Variants in HS6ST2 observed in about 807,000 individuals in gnomAD.
HS6ST2 encodes the protein heparan sulfate 6-O-sulfotransferase 2.
HS6ST2 carries 17 observed loss-of-function variants against 33.0 expected under a neutral mutation model. The observed-to-expected ratio is 0.52, with a 90% CI of 0.35 to 0.77. The LOEUF is 0.77. Ranked by LOEUF, HS6ST2 falls within the 30% of genes least tolerant of loss-of-function variation. HS6ST2 has a pLI of 0.01. For synonymous variants in HS6ST2, 248 were observed against 237.1 expected, an observed-to-expected ratio of 1.05 and a Z score of -0.42; for missense variants, 519 against 551.7, an observed-to-expected ratio of 0.94 and a Z score of 0.59.
chrX:132,719,208 C>T (rs2064306050), intron 2 of HS6ST2, among the ~76,000 whole-genome samples: 1 of 111,416 alleles, frequency 9.0e-6, no homozygotes, highest in African/African-American at 3.3e-5. Context: ...TGGAAGGTAC[C>T]CTTAAAGACC....
At chrX:132,675,718 T>C (rs2063919262) in intron 3 of HS6ST2, among the ~76,000 whole-genome samples, 1 of 112,082 alleles carries the variant, frequency 8.9e-6, no homozygotes. Context: ...ATGAGCAAAA[T>C]TGAGCTTTCT....
chrX:132,806,552 T>G (rs185112454), intron 2 of HS6ST2, among the ~76,000 whole-genome samples: 1 of 110,032 alleles, frequency 9.1e-6, no homozygotes, highest in Non-Finnish European at 1.9e-5. Flanking sequence ...ATATTTAGGC[T>G]TTCTAGGCCA....
chrX:132,876,150 C>A (rs2148435601), intron 2 of HS6ST2, among the ~76,000 whole-genome samples: 1 of 111,757 alleles, frequency 8.9e-6, no homozygotes, highest in Non-Finnish European at 1.9e-5. Context: ...ATCCTCTGAG[C>A]ACCCCAACCC....
chrX:132,817,676 C>T (rs1176024219), intron 2 of HS6ST2, among the ~76,000 whole-genome samples: 6 of 111,512 alleles, frequency 5.4e-5, no homozygotes, highest in African/African-American at 2.0e-4. Flanking sequence ...CATTATGTGT[C>T]GGGCACTGTG....
chrX:132,671,568 G>A (rs1400314925), intron 3 of HS6ST2, among the ~76,000 whole-genome samples: 2 of 108,600 alleles, frequency 1.8e-5, no homozygotes, highest in African/African-American at 6.7e-5. Flanking sequence ...GCTCAATGCA[G>A]GACACAGTAG....
rs1381695019 is a variant in HS6ST2 at position 132,865,243 on chromosome X, T to C, written c.947+91565A>G. 2.8e-5 allele frequency among the ~76,000 whole-genome samples: 3 copies of C among 108,344 alleles called. No individual in the cohort carries two copies. In the Admixed American group the frequency reaches 3.0e-4, roughly 11 times the overall value. 94.1% of individuals were successfully genotyped at this position (108,344 alleles called of 115,157 possible). On this transcript the variant is annotated intron_variant, in intron 2 of 4. Transcript: ENST00000370833. ...ATATGCGGTGTTTGGTTTTCTGTTT[T>C]TGCGGTAGTTTACTGAGAATGATGA... is the stretch of plus-strand genomic sequence containing the variant.
At chrX:132,841,900 GC>G (rs2065709895) in intron 2 of HS6ST2, among the ~76,000 whole-genome samples, 1 of 111,791 alleles carries the variant, frequency 8.9e-6, no homozygotes, top group South Asian at 3.8e-4. Context: ...CAGCTAACAT[GC>G]CCATCAGGTG....
intron 2 of HS6ST2, among the ~76,000 whole-genome samples, chrX:132,785,904 G>A (rs1421849342): frequency 9.0e-6 from 1 of 111,629 alleles, no homozygotes; most frequent in Non-Finnish European, 1.9e-5. Flanking sequence ...GGAGACAGCC[G>A]AGTCCATTCT....
Position 132,956,960 on chromosome X carries a change from G to A in HS6ST2, c.795C>T (p.Cys265=), listed in dbSNP as rs1158394838. 1 of 1,208,696 alleles carries A rather than the reference G, an allele frequency of 8.3e-7. No homozygotes were observed. Among genetic ancestry groups the A allele is most frequent in the Non-Finnish European group, 1.1e-6 (1 of 894,339 alleles). Residue 265 remains cysteine, a synonymous_variant, in exon 2 of 5, where the codon TGC becomes TGT. Transcript: ENST00000370833. ...CCCGCTTACCCGGCCGGTGGCAAGT[G>A]CATTTCTTCTGACCCACGCGGCACT... ...PCECRVGQKK[C]TCHRPGKRET...
intron 2 of HS6ST2, among the ~76,000 whole-genome samples, chrX:132,944,604 T>C (rs1390275129): frequency 4.5e-5 from 5 of 111,449 alleles, no homozygotes; most frequent in African/African-American, 3.3e-5. Context: ...CTTCAAACTA[T>C]ACTACAAGGC....
intron 3 of HS6ST2, chrX:132,669,585 T>C (rs2063844880): frequency 8.5e-6 from 1 of 117,611 alleles, no homozygotes; most frequent in Admixed American, 9.2e-5. Context: ...CTTCATTACA[T>C]GTTCAGTTCT....
At chrX:132,776,125 C>T (rs981653427) in intron 2 of HS6ST2, among the ~76,000 whole-genome samples, 3 of 111,225 alleles carry the variant, frequency 2.7e-5, no homozygotes, top group East Asian at 2.8e-4. Flanking sequence ...GGGTGGATGG[C>T]GAATAAGATA....
chrX:132,797,095 T>A (rs1282809908), intron 2 of HS6ST2, among the ~76,000 whole-genome samples: 1 of 111,501 alleles, frequency 9.0e-6, no homozygotes, highest in Non-Finnish European at 1.9e-5. Flanking sequence ...AAAAGCACCC[T>A]GACTGAAGCG....
chrX:132,655,539 T>C (rs1029100898), intron 4 of HS6ST2, among the ~76,000 whole-genome samples: 2 of 111,231 alleles, frequency 1.8e-5, no homozygotes, highest in African/African-American at 3.3e-5. Flanking sequence ...GAAATACATA[T>C]CTTATCTATT....
intron 2 of HS6ST2, among the ~76,000 whole-genome samples, chrX:132,855,790 T>C (rs112719636): frequency 5.1e-4 from 57 of 111,157 alleles, no homozygotes; most frequent in African/African-American, 1.7e-3. Flanking sequence ...TTAAAATGAC[T>C]CTCGCTGTTC....
intron 3 of HS6ST2, among the ~76,000 whole-genome samples, chrX:132,686,171 G>T (rs1366185565): frequency 1.8e-5 from 2 of 112,140 alleles, no homozygotes; most frequent in South Asian, 3.7e-4. Flanking sequence ...GTGAGAAAAT[G>T]GATTCATATG....
intron 2 of HS6ST2, among the ~76,000 whole-genome samples, chrX:132,927,938 G>T (rs1187196251): frequency 9.1e-6 from 1 of 109,888 alleles, no homozygotes; most frequent in Non-Finnish European, 1.9e-5. Context: ...ATAAAGAAAA[G>T]AGGTTTAATT....
intron 2 of HS6ST2, among the ~76,000 whole-genome samples, chrX:132,954,709 C>T (rs2067049568): frequency 8.9e-6 from 1 of 112,022 alleles, no homozygotes; most frequent in Non-Finnish European, 1.9e-5. Flanking sequence ...TTGCAAACAC[C>T]GTAAAATCCA....
At chrX:132,903,073 G>C (rs1323539419) in intron 2 of HS6ST2, among the ~76,000 whole-genome samples, 2 of 111,533 alleles carry the variant, frequency 1.8e-5, no homozygotes, top group African/African-American at 6.5e-5. Flanking sequence ...ACATTTATTA[G>C]AACTAATAAA....
Sources: allele counts gnomAD v4.1 joint callset (sites outside exome capture counted in the v4.1 genomes callset), GRCh38; gene constraint gnomAD v4.1.1; transcripts MANE v1.5; gene names NCBI Gene and HGNC (gene_info 2026-07-23, HGNC 2026-07-21).